Variants in PANX1 observed in about 807,000 individuals in gnomAD.
PANX1 encodes the protein pannexin-1.
A neutral mutation model predicts 38.7 loss-of-function variants in PANX1; 30 were observed. That is an observed-to-expected ratio of 0.78 (90% CI 0.58 to 1.05). The LOEUF (loss-of-function observed/expected upper bound fraction) is 1.05. Ranked by LOEUF, PANX1 falls within the 50% of genes least tolerant of loss-of-function variation. The pLI, the probability that PANX1 is intolerant of heterozygous loss-of-function variation, is 0.00. For synonymous variants in PANX1, 230 were observed against 212.2 expected, an observed-to-expected ratio of 1.08 and a Z score of -0.73; for missense variants, 551 against 517.2, an observed-to-expected ratio of 1.07 and a Z score of -0.63.
intron 1 of PANX1, among the ~76,000 whole-genome samples, chr11:94,140,101 G>C (rs977892949): frequency 6.6e-6 from 1 of 152,278 alleles, no homozygotes; most frequent in South Asian, 2.1e-4. Flanking sequence ...CTTCCAGATC[G>C]GTTCAGAAAG....
At chr11:94,170,831 C>T (rs1260649674) in intron 2 of PANX1, among the ~76,000 whole-genome samples, 1 of 151,722 alleles carries the variant, frequency 6.6e-6, no homozygotes, top group Non-Finnish European at 1.5e-5. Flanking sequence ...GTGATGGTCA[C>T]CTGCTGATGA....
chr11:94,130,071 C>T lies in PANX1; in HGVS notation c.181+578C>T, dbSNP rs558693500. Among the ~76,000 whole-genome samples, 8 of 152,326 alleles carry T rather than the reference C, an allele frequency of 5.3e-5. No homozygotes were observed. In the South Asian group the frequency reaches 1.5e-3, roughly 28 times the overall value. ...TTACAAATGTGAGATGAACAAGTCC[C>T]CTTCCTGTAAATTATCATTTGAGCT... On this transcript the variant is annotated intron_variant, in intron 1 of 4. Coordinates refer to ENST00000227638, the MANE Select transcript of PANX1 (RefSeq NM_015368.4).
chr11:94,130,129 T>TA (rs1352921590), intron 1 of PANX1, among the ~76,000 whole-genome samples: 1 of 152,144 alleles, frequency 6.6e-6, no homozygotes, highest in Non-Finnish European at 1.5e-5. Context: ...GAAAGTCTGG[T>TA]GGTTTGGGCA....
chr11:94,143,946 A>C (rs112361562), intron 1 of PANX1, among the ~76,000 whole-genome samples: 1 of 152,042 alleles, frequency 6.6e-6, no homozygotes, highest in African/African-American at 2.4e-5. Flanking sequence ...ACGGGGTCTC[A>C]CTTTATTGCC....
intron 2 of PANX1, among the ~76,000 whole-genome samples, chr11:94,156,851 T>G (rs555992917): frequency 6.6e-6 from 1 of 152,140 alleles, no homozygotes; most frequent in Non-Finnish European, 1.5e-5. Context: ...ACATTAGGTA[T>G]ACCTCCTAAT....
intron 1 of PANX1, among the ~76,000 whole-genome samples, chr11:94,130,608 G>C (rs908853952): frequency 3.3e-5 from 5 of 152,054 alleles, no homozygotes; most frequent in South Asian, 2.1e-4. Flanking sequence ...CTGGAGGGCT[G>C]GGTGCCAGAG....
At chr11:94,174,485 A>G (rs551349166) in intron 2 of PANX1, among the ~76,000 whole-genome samples, 1 of 151,816 alleles carries the variant, frequency 6.6e-6, no homozygotes, top group South Asian at 2.1e-4. Context: ...ACTTTAAGAC[A>G]TAGTTCAGGT....
At chr11:94,156,457 A>G (rs1946949788) in intron 2 of PANX1, among the ~76,000 whole-genome samples, 1 of 152,136 alleles carries the variant, frequency 6.6e-6, no homozygotes, top group Non-Finnish European at 1.5e-5. Flanking sequence ...CGTTGGAAGG[A>G]CCCTTATTAA....
rs535243108 is a variant in PANX1, at chr11:94,149,197, G to A, written c.182-4294G>A. Among the ~76,000 whole-genome samples, 7 of 152,330 alleles carry A rather than the reference G, an allele frequency of 4.6e-5. No individual in the cohort carries two copies. The Middle Eastern group carries it at 0.01, about 222-fold the overall frequency. ...AGCAAAAGTAAGCCAAAGCCCTCCTGCTGAAGTGGAACAAGAATGGAGAGC... is the reference window on the plus strand; with the variant it reads ...AGCAAAAGTAAGCCAAAGCCCTCCTACTGAAGTGGAACAAGAATGGAGAGC... On this transcript the variant is annotated intron_variant, in intron 1 of 4. Coordinates refer to ENST00000227638, the MANE Select transcript of PANX1 (RefSeq NM_015368.4).
intron 1 of PANX1, among the ~76,000 whole-genome samples, chr11:94,141,862 GAATT>G (rs1946765377): frequency 6.6e-6 from 1 of 152,144 alleles, no homozygotes; most frequent in Non-Finnish European, 1.5e-5. Flanking sequence ...CACAGGGTGA[GAATT>G]AAATAAATTA....
chr11:94,159,631 G>T (rs1946997769), intron 2 of PANX1, among the ~76,000 whole-genome samples: 1 of 151,800 alleles, frequency 6.6e-6, no homozygotes, highest in South Asian at 2.1e-4. Context: ...TTCTTTATTA[G>T]TCTTGCTAGC....
chr11:94,129,284 C>A lies in PANX1; in HGVS notation c.-29C>A. ...TTCCCGACGCCGGCTGTACCCGGAC[C>A]TCCTGGTCGAGCCTGGCGCGCCGCA... On this transcript the variant is annotated 5_prime_UTR_variant, in exon 1 of 5. Coordinates refer to ENST00000227638, the MANE Select transcript of PANX1 (RefSeq NM_015368.4). The A allele has an allele frequency of 6.3e-7, 1 of 1,584,926 alleles. No individual in the cohort carries two copies. Among genetic ancestry groups the A allele is most frequent in the Non-Finnish European group, 8.6e-7 (1 of 1,159,124 alleles).
intron 2 of PANX1, among the ~76,000 whole-genome samples, chr11:94,161,754 T>C (rs962292760): frequency 6.6e-6 from 1 of 152,234 alleles, no homozygotes; most frequent in Non-Finnish European, 1.5e-5. Context: ...ATTTCTTCTG[T>C]TGCTGGTGAG....
chr11:94,165,562 C>CCATGAGGCTGCA (rs1947093699), intron 2 of PANX1, among the ~76,000 whole-genome samples: 1 of 152,108 alleles, frequency 6.6e-6, no homozygotes, highest in Non-Finnish European at 1.5e-5. Flanking sequence ...ACTTTGTTTG[C>CCATGAGGCTGCA]CATGAGGCTG....
At chr11:94,179,518 T>C (rs1296349407) in intron 3 of PANX1, 84 bp from the exon 4 acceptor site, 2 of 957,456 alleles carry the variant, frequency 2.1e-6, no homozygotes, top group African/African-American at 1.6e-5. Context: ...ATTTTTAGTG[T>C]GACATTGTTG....
rs924532465 is a variant in PANX1, at chr11:94,129,062, A to G, written c.-251A>G. The G allele has an allele frequency of 5.2e-6, 2 of 385,012 alleles. No individual in the cohort carries two copies. The highest frequency in any genetic ancestry group is 9.3e-6 in the Non-Finnish European group (2 of 215,994). 23.8% of individuals were successfully genotyped at this position (385,012 alleles called of 1,614,324 possible). On this transcript the variant is annotated 5_prime_UTR_variant, in exon 1 of 5. Transcript: ENST00000227638. ...GGACTTGCACGGGCGTGCGGGGTGG[A>G]ACCGCAGGAAGCGGAGCTCTCGGGT...
chr11:94,160,226 G>C (rs897696634), intron 2 of PANX1, among the ~76,000 whole-genome samples: 5 of 152,316 alleles, frequency 3.3e-5, no homozygotes, highest in Admixed American at 6.5e-5. Flanking sequence ...GGACAGTTCT[G>C]TAGATGTCTA....
intron 1 of PANX1, among the ~76,000 whole-genome samples, chr11:94,143,336 G>A (rs192367221): frequency 4.9e-4 from 75 of 152,286 alleles, no homozygotes; most frequent in African/African-American, 1.8e-3. Flanking sequence ...TATTGTAGAG[G>A]ATAAGACAGA....
At chr11:94,160,172 G>A (rs1348915237) in intron 2 of PANX1, among the ~76,000 whole-genome samples, 1 of 152,160 alleles carries the variant, frequency 6.6e-6, no homozygotes, top group Admixed American at 6.5e-5. Flanking sequence ...TGGAATAAGT[G>A]CAGTGTGGTG....
Sources: gnomAD v4.1 joint callset for allele counts (sites outside exome capture counted in the v4.1 genomes callset) on GRCh38, gnomAD v4.1.1 for gene constraint, MANE v1.5 for transcripts, NCBI Gene and HGNC (gene_info 2026-07-23, HGNC 2026-07-21) for gene names.